The following SNTG2 variants were observed in gnomAD, a reference collection of about 807,000 sequenced individuals.
SNTG2 encodes the protein gamma-2-syntrophin.
SNTG2 carries 74 observed loss-of-function variants against 70.9 expected under a neutral mutation model. That is an observed-to-expected ratio of 1.04 (90% CI 0.86 to 1.27). The LOEUF is 1.27. SNTG2 is among the 50% of genes most tolerant of loss of function. The pLI is 0.00. For synonymous variants in SNTG2, 278 were observed against 273.8 expected (o/e 1.02, Z -0.15); for missense variants, 717 against 690.7 (o/e 1.04, Z -0.43).
At chr2:1,277,177 A>G (rs1679302102) in intron 14 of SNTG2, among the ~76,000 whole-genome samples, 1 of 152,268 alleles carries the variant, frequency 6.6e-6, no homozygotes, top group Non-Finnish European at 1.5e-5. Flanking sequence ...AGGGTTTGAG[A>G]GAATTAGCTT....
At chr2:1,080,724 C>T (rs1664235222) in intron 1 of SNTG2, among the ~76,000 whole-genome samples, 1 of 151,758 alleles carries the variant, frequency 6.6e-6, no homozygotes, top group Admixed American at 6.6e-5. Context: ...GCATGTGGGC[C>T]ATGTGTGTTG....
chr2:1,113,989 G>T (rs969923226), intron 4 of SNTG2, among the ~76,000 whole-genome samples: 5 of 151,516 alleles, frequency 3.3e-5, no homozygotes, highest in Admixed American at 2.6e-4. Context: ...AGGGTGGTGT[G>T]TACTAAGTGA....
chr2:1,138,259 G>A (rs1668522690), intron 6 of SNTG2, among the ~76,000 whole-genome samples: 1 of 152,216 alleles, frequency 6.6e-6, no homozygotes, highest in Non-Finnish European at 1.5e-5. Flanking sequence ...TAGAATGTGT[G>A]CCGTGGAGGA....
intron 14 of SNTG2, among the ~76,000 whole-genome samples, chr2:1,282,706 C>G (rs1679602520): frequency 6.7e-6 from 1 of 148,390 alleles, no homozygotes; most frequent in Admixed American, 6.7e-5. Context: ...AGGGCTGCCT[C>G]CCCCGCACTG....
intron 16 of SNTG2, among the ~76,000 whole-genome samples, chr2:1,333,831 A>G (rs1477523172): frequency 6.6e-6 from 1 of 152,208 alleles, no homozygotes; most frequent in Non-Finnish European, 1.5e-5. Context: ...AAACTATAAA[A>G]ATTCTGGAAG....
intron 1 of SNTG2, among the ~76,000 whole-genome samples, chr2:1,069,275 T>C (rs1037965914): frequency 2.0e-5 from 3 of 151,620 alleles, no homozygotes; most frequent in African/African-American, 7.3e-5. Flanking sequence ...TGCCAAAATA[T>C]ATGATGTGGG....
chr2:1,261,765 G>A (rs1219311608), intron 13 of SNTG2, among the ~76,000 whole-genome samples: 1 of 152,130 alleles, frequency 6.6e-6, no homozygotes, highest in Non-Finnish European at 1.5e-5. Context: ...TAAGCACTTA[G>A]CTATGTCCTT....
chr2:1,197,135 A>T (rs1672957613), intron 8 of SNTG2, among the ~76,000 whole-genome samples: 1 of 152,062 alleles, frequency 6.6e-6, no homozygotes, highest in South Asian at 2.1e-4. Flanking sequence ...CCTTAAATGT[A>T]AATGAATTAA....
chr2:1,316,270 G>A lies in SNTG2; in HGVS notation c.1383G>A (p.Val461=). ...TTAATTTTATTCCTTTACAGAATGT[G>A]CTCTGGAGATTTAAATTTTCCCAGC... The part of the protein sequence containing the change: ...FTCFESKTKN[V]LWRFKFSQLK... The change falls in exon 16 of 17, where the codon GTG becomes GTA. Residue 461 remains valine (V), a synonymous_variant. Transcript: ENST00000308624. The A allele has an allele frequency of 6.6e-7, 1 of 1,505,558 alleles. No homozygotes were observed. The allele number at this position is 1,505,558 out of a possible 1,614,324, so 93.3% of individuals were successfully genotyped here. A position where few individuals can be genotyped will look rare whatever the true frequency, so the allele number is the denominator to read the frequency against.
intron 6 of SNTG2, among the ~76,000 whole-genome samples, chr2:1,146,141 CA>C (rs1669087661): frequency 1.3e-5 from 2 of 152,184 alleles, no homozygotes; most frequent in Admixed American, 1.3e-4. Flanking sequence ...AGATCAGGAA[CA>C]ATACAAGGAT....
intron 14 of SNTG2, among the ~76,000 whole-genome samples, chr2:1,290,832 C>T (rs1488566312): frequency 2.0e-5 from 3 of 152,172 alleles, no homozygotes; most frequent in Non-Finnish European, 4.4e-5. Flanking sequence ...AATGTCTCTG[C>T]TTTCAGTTAT....
chr2:986,395 G>GA (rs1439700445), intron 1 of SNTG2, among the ~76,000 whole-genome samples: 2 of 152,146 alleles, frequency 1.3e-5, no homozygotes, highest in East Asian at 3.8e-4. Flanking sequence ...TTTAACATTT[G>GA]AAAAAATGCC....
At chr2:1,224,253 A>C (rs1221485685) in intron 9 of SNTG2, among the ~76,000 whole-genome samples, 1 of 152,224 alleles carries the variant, frequency 6.6e-6, no homozygotes, top group African/African-American at 2.4e-5. Flanking sequence ...ATTTGACCCC[A>C]GACTTGGGGA....
intron 8 of SNTG2, among the ~76,000 whole-genome samples, chr2:1,175,939 TG>T (rs2147892449): frequency 6.6e-6 from 1 of 152,300 alleles, no homozygotes; most frequent in South Asian, 2.1e-4. Context: ...CTGGTTCTCC[TG>T]GTTCTCCCAG....
chr2:1,255,875 T>TATATAAAA (rs1164926216), intron 12 of SNTG2, among the ~76,000 whole-genome samples: 2 of 55,856 alleles, frequency 3.6e-5, no homozygotes, highest in Non-Finnish European at 6.7e-5. Flanking sequence ...TATATATAAA[T>TATATAAAA]ATATATATAA....
chr2:1,154,599 T>G (rs1669731869), intron 6 of SNTG2, among the ~76,000 whole-genome samples: 1 of 152,264 alleles, frequency 6.6e-6, no homozygotes, highest in South Asian at 2.1e-4. Flanking sequence ...AGCGTGACAG[T>G]GACAACTTGT....
intron 16 of SNTG2, among the ~76,000 whole-genome samples, chr2:1,335,629 AG>A (rs1261607184): frequency 2.6e-5 from 4 of 152,124 alleles, no homozygotes; most frequent in African/African-American, 9.7e-5. Context: ...GAGTCCTACG[AG>A]TGAATTCCGT....
At chr2:1,151,896 A>T (rs149351152) in intron 6 of SNTG2, among the ~76,000 whole-genome samples, 7 of 152,120 alleles carry the variant, frequency 4.6e-5, no homozygotes, top group Non-Finnish European at 8.8e-5. Flanking sequence ...AGCACTAAGC[A>T]TCAGAACTAA....
At chr2:1,130,001 T>C (rs956471372) in intron 4 of SNTG2, among the ~76,000 whole-genome samples, 1 of 152,232 alleles carries the variant, frequency 6.6e-6, no homozygotes, top group Non-Finnish European at 1.5e-5. Context: ...CTACTTCTTA[T>C]TGTAGAGTTC....
Sources: gnomAD v4.1 joint callset for allele counts (sites outside exome capture counted in the v4.1 genomes callset) on GRCh38, gnomAD v4.1.1 for gene constraint, MANE v1.5 for transcripts, NCBI Gene and HGNC (gene_info 2026-07-23, HGNC 2026-07-21) for gene names.